The following BCR variants were observed in gnomAD, a reference collection of about 807,000 sequenced individuals.
The protein encoded by BCR is breakpoint cluster region protein.
In BCR, 58 loss-of-function variants were observed where a neutral mutation model predicts 138.6. The ratio of observed to expected loss-of-function variants is 0.42; its 90% CI spans 0.34 to 0.52. BCR has a LOEUF of 0.52. Ranked by LOEUF, BCR falls within the 20% of genes least tolerant of loss-of-function variation. BCR has a pLI of 0.06. For missense variants in BCR, 1,599 were observed against 1,727.2 expected (o/e 0.93, Z 1.32); for synonymous variants, 786 against 730.1 (o/e 1.08, Z -1.23).
At chr22:23,219,047 C>G (rs548451217) in intron 1 of BCR, among the ~76,000 whole-genome samples, 2 of 152,194 alleles carry the variant, frequency 1.3e-5, no homozygotes, top group South Asian at 2.1e-4. Context: ...CCTGCCATGC[C>G]GCTGCCCTAA....
In BCR at chr22:23,316,131, T is replaced by C. The variant is rs1393374870; in HGVS notation, c.*609T>C. 13 of 170,612 alleles carry C rather than the reference T, an allele frequency of 7.6e-5. 2 individuals carry two copies. Among genetic ancestry groups the C allele is most frequent in the Non-Finnish European group, 1.2e-4 (11 of 93,822 alleles). The allele number at this position is 170,612 out of a possible 1,614,324, so 10.6% of individuals were successfully genotyped here. ...GGATTTTTGTGCAGAAATGGGTCTT[T>C]TGTTGCCATGTTAGTCCTCCTTGGA... On this transcript the variant is annotated 3_prime_UTR_variant, in exon 23 of 23. Coordinates refer to ENST00000305877, the MANE Select transcript of BCR (RefSeq NM_004327.4).
chr22:23,314,157 C>G, intron 21 of BCR, 84 bp downstream of exon 21: 1 of 1,112,900 alleles, frequency 9.0e-7, no homozygotes. Context: ...ACCCCCAACA[C>G]CGAGGACCTT....
chr22:23,242,652 ACT>A (rs955251169), intron 1 of BCR, among the ~76,000 whole-genome samples: 4 of 151,482 alleles, frequency 2.6e-5, no homozygotes, highest in African/African-American at 9.7e-5. Flanking sequence ...TCTCTCACAG[ACT>A]CTGCCCCTCC....
At chr22:23,285,227 G>A (rs1253949424) in intron 10 of BCR, 26 bp downstream of exon 10, 1 of 1,595,124 alleles carries the variant, frequency 6.3e-7, no homozygotes, top group Non-Finnish European at 8.5e-7. Flanking sequence ...GCAAGGGCCG[G>A]GTTTGGTGTG....
chr22:23,182,029 C>T lies in BCR; in HGVS notation c.1069C>T (p.Pro357Ser), dbSNP rs949578672. 6.2e-6 allele frequency: 10 copies of T among 1,613,338 alleles called. No individual in the cohort carries two copies. Among genetic ancestry groups the T allele is most frequent in the Admixed American group, 1.7e-5 (1 of 59,978 alleles). ...CCAGTCCAGCCGCGTGTCCCCAAGC[C>T]CCACCACCTACCGCATGTTCCGGGA... ...SGQSSRVSPS[P>S]TTYRMFRDKS... The change falls in exon 1 of 23, where the codon CCC becomes TCC. Residue 357 changes from proline to serine, a missense_variant. Pro to Ser is a moderately conservative substitution (Grantham distance 74, BLOSUM62 -1). Around this residue, in one of 4 missense-constraint regions of BCR, gnomAD observed 806 missense variants for 635.0 expected, o/e 1.27. Transcript: ENST00000305877.
At chr22:23,252,485 C>T (rs1292402981) in intron 1 of BCR, among the ~76,000 whole-genome samples, 1 of 135,332 alleles carries the variant, frequency 7.4e-6, no homozygotes, top group Non-Finnish European at 1.5e-5. Flanking sequence ...GGCTGGAGTG[C>T]AGTGGTGCAA....
At position 23,271,516 on chromosome 22, in the gene BCR, G is replaced by T. The variant is rs375972022; in HGVS notation, c.1861-16G>T. The T allele has an allele frequency of 6.2e-7, 1 of 1,613,712 alleles. No homozygotes were observed. The highest frequency in any genetic ancestry group is 2.2e-5 in the East Asian group (1 of 44,880). On this transcript the variant is annotated splice_polypyrimidine_tract_variant and intron_variant, in intron 5 of 22. Transcript: ENST00000305877. Reference sequence around the variant, plus strand: ...GCTTCTGTCATCTGTGTGAACATGCGCTTTTCTCTCTGCAGAACCTGAGAG... The same window carrying T: ...GCTTCTGTCATCTGTGTGAACATGCTCTTTTCTCTCTGCAGAACCTGAGAG...
chr22:23,230,580 A>G (rs544508437), intron 1 of BCR, among the ~76,000 whole-genome samples: 2 of 152,198 alleles, frequency 1.3e-5, no homozygotes, highest in African/African-American at 2.4e-5. Context: ...CTGCTGGTTT[A>G]TTCAGCAGTG....
intron 1 of BCR, among the ~76,000 whole-genome samples, chr22:23,237,172 C>T (rs941210187): frequency 1.3e-4 from 20 of 152,318 alleles, no homozygotes; most frequent in African/African-American, 4.1e-4. Flanking sequence ...GCAGAACTCA[C>T]TTTTCCCAGG....
chr22:23,307,221 G>A (rs886964505), intron 16 of BCR, among the ~76,000 whole-genome samples: 25 of 152,134 alleles, frequency 1.6e-4, no homozygotes, highest in Non-Finnish European at 2.6e-4. Flanking sequence ...TCAGCCTCCC[G>A]AGCAGTTGGG....
At chr22:23,182,311 A>G in intron 1 of BCR, 72 bp downstream of exon 1, 2 of 1,431,512 alleles carry the variant, frequency 1.4e-6, no homozygotes, top group Non-Finnish European at 1.8e-6. Flanking sequence ...TAGGGGATAC[A>G]AAACAGAAGT....
intron 4 of BCR, among the ~76,000 whole-genome samples, chr22:23,266,688 T>C (rs537939785): frequency 3.3e-5 from 5 of 152,230 alleles, no homozygotes; most frequent in Non-Finnish European, 5.9e-5. Context: ...CCAGACAACC[T>C]TGACATTTTT....
At chr22:23,195,163 G>A (rs1023423799) in intron 1 of BCR, among the ~76,000 whole-genome samples, 4 of 152,166 alleles carry the variant, frequency 2.6e-5, no homozygotes, top group East Asian at 2.0e-4. Context: ...GTTCACGCCT[G>A]TAATCCTAGC....
In BCR at chr22:23,181,953, C is replaced by G. The variant is rs766873720; in HGVS notation, c.993C>G (p.Asp331Glu). 4 of 1,613,124 alleles carry G rather than the reference C, an allele frequency of 2.5e-6. No homozygotes were observed. The South Asian group carries it at 3.3e-5, about 13-fold the overall frequency. The change falls in exon 1 of 23, where the codon GAC (aspartate) becomes GAG (glutamate). Residue 331 changes from aspartate to glutamate, a missense_variant. By Grantham distance (45) the Asp-to-Glu change is conservative. Coordinates refer to ENST00000305877, the MANE Select transcript of BCR (RefSeq NM_004327.4). ...FEDCGGGYTP[D>E]CSSNENLTSS... Reference sequence around the variant, plus strand: ...ATTGCGGAGGCGGCTATACCCCGGACTGCAGCTCCAATGAGAACCTCACCT... The same window carrying G: ...ATTGCGGAGGCGGCTATACCCCGGAGTGCAGCTCCAATGAGAACCTCACCT...
In BCR at chr22:23,268,426, T is replaced by A; in HGVS notation, c.1771T>A (p.Tyr591Asn). Residue 591 changes from tyrosine (Y) to asparagine (N), a missense_variant, in exon 5 of 23, where the codon TAC becomes AAC. Around this residue, in one of 4 missense-constraint regions of BCR, gnomAD observed 590 missense variants for 762.4 expected, o/e 0.77. Transcript: ENST00000305877. ...CCCTCAGGCCAGCCAGCTGGGTGTGTACCGGGCCTTCGTGGACAACTACGG... is the reference window on the plus strand; with the variant it reads ...CCCTCAGGCCAGCCAGCTGGGTGTGAACCGGGCCTTCGTGGACAACTACGG... ...FQKLASQLGV[Y>N]RAFVDNYGVA... 1 of 1,612,952 alleles carries A rather than the reference T, an allele frequency of 6.2e-7. No homozygotes were observed. Among genetic ancestry groups the A allele is most frequent in the Non-Finnish European group, 8.5e-7 (1 of 1,179,430 alleles).
intron 1 of BCR, among the ~76,000 whole-genome samples, chr22:23,196,100 C>T (rs2072478356): frequency 1.3e-5 from 2 of 152,158 alleles, no homozygotes; most frequent in Non-Finnish European, 2.9e-5. Flanking sequence ...GTAAAATACA[C>T]ATACTCTAAA....
chr22:23,259,748 T>C (rs1287383066), intron 2 of BCR, among the ~76,000 whole-genome samples: 1 of 152,144 alleles, frequency 6.6e-6, no homozygotes, highest in Non-Finnish European at 1.5e-5. Flanking sequence ...CTCGAACTCC[T>C]GGCCTCAGGT....
chr22:23,286,077 C>A (rs2073708154), intron 10 of BCR, among the ~76,000 whole-genome samples: 1 of 152,224 alleles, frequency 6.6e-6, no homozygotes, highest in African/African-American at 2.4e-5. Flanking sequence ...GAGAGAAAGT[C>A]ACAGCCAGAC....
chr22:23,199,298 C>T (rs111963551), intron 1 of BCR: 1 of 518,878 alleles, frequency 1.9e-6, no homozygotes, highest in South Asian at 1.4e-5. Context: ...TCTGAGGAAG[C>T]ATCGGAGACT....
Sources: allele counts gnomAD v4.1 joint callset (sites outside exome capture counted in the v4.1 genomes callset), GRCh38; gene constraint gnomAD v4.1.1; regional missense constraint gnomAD v4.1.1; transcripts MANE v1.5; gene names NCBI Gene and HGNC (gene_info 2026-07-23, HGNC 2026-07-21).